Variants in CCDC171 observed in about 807,000 individuals in gnomAD.
The protein encoded by CCDC171 is coiled-coil domain containing 171, also known as coiled-coil domain-containing protein 171.
CCDC171 carries 177 observed loss-of-function variants against 168.2 expected under a neutral mutation model. The observed-to-expected ratio is 1.05, with a 90% CI of 0.93 to 1.19. The LOEUF is 1.19. Among genes scored for constraint, CCDC171 ranks in the 50% most tolerant of loss-of-function variants. The pLI is 0.00. For synonymous variants in CCDC171, 687 were observed against 540.8 expected (o/e 1.27, Z -3.75); for missense variants, 1,991 against 1,539.0 (o/e 1.29, Z -4.91).
intron 9 of CCDC171, among the ~76,000 whole-genome samples, chr9:15,672,955 A>G (rs2049232461): frequency 6.6e-6 from 1 of 152,112 alleles, no homozygotes; most frequent in Non-Finnish European, 1.5e-5. Flanking sequence ...CAGTATAGCC[A>G]TTTTCATGAT....
intron 8 of CCDC171, among the ~76,000 whole-genome samples, chr9:15,662,855 C>T (rs765518741): frequency 5.3e-5 from 8 of 151,584 alleles, no homozygotes; most frequent in Admixed American, 1.3e-4. Context: ...GTGGCAGGCA[C>T]CTGTAATCCC....
chr9:15,895,829 G>A (rs141693398), intron 24 of CCDC171, among the ~76,000 whole-genome samples: 16 of 152,052 alleles, frequency 1.1e-4, no homozygotes, highest in African/African-American at 3.4e-4. Flanking sequence ...AATATGACAA[G>A]CATTTTTCAG....
the CCDC171 span, among the ~76,000 whole-genome samples, chr9:16,100,490 A>T: frequency 2.0e-5 from 3 of 152,108 alleles, no homozygotes; most frequent in African/African-American, 4.8e-5. Context: ...TATCGATGTA[A>T]TTGGCCACAC....
Position 15,553,157 on chromosome 9 carries a change from C to T in CCDC171, c.-257C>T, listed in dbSNP as rs1211607648. On this transcript the variant is annotated 5_prime_UTR_variant, in exon 1 of 26. Coordinates refer to ENST00000380701, the MANE Select transcript of CCDC171 (RefSeq NM_173550.4). ...TTCTGTACCCCTTTGCTGTTTGTCC[C>T]CCTCCTCCCGGGTCCTGGAGTCCGT... is the stretch of plus-strand genomic sequence containing the variant. The T allele has an allele frequency of 6.6e-6, 1 of 152,602 alleles. No homozygotes were observed. Among genetic ancestry groups the T allele is most frequent in the African/African-American group, 2.4e-5 (1 of 41,444 alleles). The allele number at this position is 152,602 out of a possible 1,614,324, so 9.5% of individuals were successfully genotyped here. A position where few individuals can be genotyped will look rare whatever the true frequency, so the allele number is the denominator to read the frequency against.
downstream of CCDC171, among the ~76,000 whole-genome samples, chr9:16,063,411 C>G (rs750938301): frequency 6.6e-6 from 1 of 152,094 alleles, no homozygotes; most frequent in Non-Finnish European, 1.5e-5. Flanking sequence ...GCCCTCAAGA[C>G]GTGTTGAGTT....
At chr9:15,694,574 T>C (rs1349038557) in intron 10 of CCDC171, among the ~76,000 whole-genome samples, 1 of 152,218 alleles carries the variant, frequency 6.6e-6, no homozygotes, top group Non-Finnish European at 1.5e-5. Flanking sequence ...TCCACCCAGT[T>C]CATCTAACTT....
At chr9:15,779,305 A>ACAGG (rs1317165007) in intron 20 of CCDC171, among the ~76,000 whole-genome samples, 155 bp downstream of exon 20, 24 of 152,110 alleles carry the variant, frequency 1.6e-4, no homozygotes, top group Non-Finnish European at 3.1e-4. Context: ...TTCCTGTCTA[A>ACAGG]AATGCCTCTA....
At chr9:15,826,492 A>G (rs982539831) in intron 21 of CCDC171, among the ~76,000 whole-genome samples, 14 of 152,222 alleles carry the variant, frequency 9.2e-5, no homozygotes, top group Admixed American at 2.6e-4. Context: ...GTGACAGTGC[A>G]TGGCTTTTGA....
At chr9:15,654,139 A>T (rs990669747) in intron 7 of CCDC171, among the ~76,000 whole-genome samples, 1 of 152,084 alleles carries the variant, frequency 6.6e-6, no homozygotes, top group Non-Finnish European at 1.5e-5. Context: ...GTATTATTTT[A>T]TCCTTTGGAT....
intron 16 of CCDC171, among the ~76,000 whole-genome samples, chr9:15,743,053 A>T (rs1025041462): frequency 6.6e-6 from 1 of 150,846 alleles, no homozygotes; most frequent in East Asian, 1.9e-4. Flanking sequence ...TGCTGGGATT[A>T]TAGGTGTGAG....
intron 24 of CCDC171, among the ~76,000 whole-genome samples, chr9:15,910,170 GTGCA>G (rs1487756853): frequency 1.8e-5 from 1 of 55,480 alleles, no homozygotes; most frequent in Non-Finnish European, 3.8e-5. Context: ...TGGTATATAT[GTGCA>G]CACACACACA....
At chr9:15,739,330 A>G (rs1031305199) in intron 16 of CCDC171, among the ~76,000 whole-genome samples, 1 of 152,182 alleles carries the variant, frequency 6.6e-6, no homozygotes, top group Non-Finnish European at 1.5e-5. Flanking sequence ...AAAGGAAGAG[A>G]TCAACTTCTT....
intron 6 of CCDC171, among the ~76,000 whole-genome samples, chr9:15,602,078 TG>T (rs1206668957): frequency 6.6e-6 from 1 of 152,250 alleles, no homozygotes; most frequent in Non-Finnish European, 1.5e-5. Context: ...TAACTTGCTT[TG>T]CTGCTTTTGT....
intron 21 of CCDC171, among the ~76,000 whole-genome samples, chr9:15,829,034 A>G (rs1296875946): frequency 2.6e-5 from 4 of 152,190 alleles, no homozygotes; most frequent in African/African-American, 9.6e-5. Context: ...AGGCATATTT[A>G]TTGAGTGTTT....
the CCDC171 span, among the ~76,000 whole-genome samples, chr9:16,098,420 A>G: frequency 2.0e-5 from 3 of 152,194 alleles, no homozygotes; most frequent in African/African-American, 7.2e-5. Context: ...AAGAGCTGCT[A>G]TTTAGAAAAA....
At chr9:15,765,901 G>A (rs1396229083) in intron 18 of CCDC171, among the ~76,000 whole-genome samples, 1 of 152,126 alleles carries the variant, frequency 6.6e-6, no homozygotes, top group East Asian at 1.9e-4. Context: ...GGCACTGACG[G>A]CTTTCTTATT....
chr9:15,873,198 G>C (rs1216649652), intron 23 of CCDC171, among the ~76,000 whole-genome samples: 1 of 152,040 alleles, frequency 6.6e-6, no homozygotes, highest in African/African-American at 2.4e-5. Flanking sequence ...GTTTGTGTGT[G>C]TTTGCTGGCT....
chr9:16,059,187 C>T (rs1833889473), intron 1 of CCDC171, among the ~76,000 whole-genome samples: 1 of 152,180 alleles, frequency 6.6e-6, no homozygotes, highest in Non-Finnish European at 1.5e-5. Flanking sequence ...TTCCCTACCA[C>T]GTTATTGTTT....
intron 10 of CCDC171, among the ~76,000 whole-genome samples, chr9:15,680,827 G>A (rs947317920): frequency 9.9e-5 from 15 of 152,102 alleles, no homozygotes; most frequent in African/African-American, 1.7e-4. Flanking sequence ...CATTTGGTTC[G>A]CTTGCTTATT....
Sources: gnomAD v4.1 joint callset for allele counts (sites outside exome capture counted in the v4.1 genomes callset) on GRCh38, gnomAD v4.1.1 for gene constraint, MANE v1.5 for transcripts, NCBI Gene and HGNC (gene_info 2026-07-23, HGNC 2026-07-21) for gene names.